The following CAMK2B variants were observed in gnomAD, a reference collection of about 807,000 sequenced individuals.
The protein encoded by CAMK2B is calcium/calmodulin dependent protein kinase II beta.
CAMK2B carries 27 observed loss-of-function variants against 93.7 expected under a neutral mutation model. The ratio of observed to expected loss-of-function variants is 0.29; its 90% CI spans 0.21 to 0.40. The LOEUF is 0.40. Ranked by LOEUF, CAMK2B falls within the 10% of genes least tolerant of loss-of-function variation. CAMK2B has a pLI of 1.00. For missense variants in CAMK2B, 568 were observed against 895.8 expected (o/e 0.63, Z 4.67); for synonymous variants, 374 against 358.8 (o/e 1.04, Z -0.48).
rs1487433756 is a variant in CAMK2B at position 44,295,189 on chromosome 7, A to T, written c.66-10964T>A. Among the ~76,000 whole-genome samples, 3 of 152,254 alleles carry T rather than the reference A, an allele frequency of 2.0e-5. No homozygotes were observed. In the East Asian group the frequency reaches 5.8e-4, roughly 29 times the overall value. ...AAAATAACTTCTGGGTAGATTTTTTAAAAATACCTAAAATGTGAAAAGAAA... is the reference window on the plus strand; with the variant it reads ...AAAATAACTTCTGGGTAGATTTTTTTAAAATACCTAAAATGTGAAAAGAAA... On this transcript the variant is annotated intron_variant, in intron 1 of 23. Coordinates refer to ENST00000395749, the MANE Select transcript of CAMK2B (RefSeq NM_001220.5).
chr7:44,219,892 G>C (rs183029587), intron 23 of CAMK2B, among the ~76,000 whole-genome samples, 168 bp downstream of exon 23: 2 of 152,076 alleles, frequency 1.3e-5, no homozygotes, highest in Non-Finnish European at 2.9e-5. Context: ...CCAGCCTGCC[G>C]TGGTCCCTAA....
At chr7:44,221,020 G>A (rs1299946034) in intron 20 of CAMK2B, 119 bp from the exon 21 acceptor site, 10 of 794,442 alleles carry the variant, frequency 1.3e-5, no homozygotes, top group East Asian at 5.4e-5. Context: ...TGTTCCTGCC[G>A]CTATTTGCAG....
intron 4 of CAMK2B, among the ~76,000 whole-genome samples, chr7:44,255,446 G>A (rs867843018): frequency 6.6e-6 from 1 of 152,192 alleles, no homozygotes; most frequent in Non-Finnish European, 1.5e-5. Context: ...TAGCCTGCTT[G>A]AGTCTGCTGG....
chr7:44,250,970 C>T (rs920119197), intron 5 of CAMK2B, among the ~76,000 whole-genome samples: 43 of 152,234 alleles, frequency 2.8e-4, no homozygotes, highest in African/African-American at 1.0e-3. Flanking sequence ...AGAGGAATTT[C>T]CAGCTTTGTT....
intron 5 of CAMK2B, among the ~76,000 whole-genome samples, chr7:44,250,899 G>A (rs1281052720): frequency 6.6e-6 from 1 of 152,202 alleles, no homozygotes; most frequent in African/African-American, 2.4e-5. Context: ...CCTGTTTGAA[G>A]AAGACATGGA....
At chr7:44,251,070 C>T (rs529005210) in intron 5 of CAMK2B, among the ~76,000 whole-genome samples, 69 of 152,342 alleles carry the variant, frequency 4.5e-4, no homozygotes, top group African/African-American at 1.4e-3. Flanking sequence ...AGCTGCTCCA[C>T]GGCAGCAGCT....
Position 44,289,532 on chromosome 7 carries a change from C to T in CAMK2B, c.66-5307G>A, listed in dbSNP as rs77098805. On this transcript the variant is annotated intron_variant, in intron 1 of 23. Coordinates refer to ENST00000395749, the MANE Select transcript of CAMK2B (RefSeq NM_001220.5). The stretch of plus-strand genomic sequence containing the variant: ...ACCAGGGAGGGAAGGTCGGACCCTG[C>T]GTCCCCACAGCCTATCCCGTGTGGT... 2.1e-3 allele frequency among the ~76,000 whole-genome samples: 314 copies of T among 152,314 alleles called. 3 individuals carry two copies. Among genetic ancestry groups the T allele is most frequent in the Admixed American group, 3.3e-4 (5 of 15,308 alleles).
At chr7:44,239,952 G>T (rs2128956586) in intron 12 of CAMK2B, among the ~76,000 whole-genome samples, 1 of 152,234 alleles carries the variant, frequency 6.6e-6, no homozygotes, top group Non-Finnish European at 1.5e-5. Context: ...TATTAGTGTT[G>T]GTGTGACCGT....
At chr7:44,260,820 A>T (rs1033960728) in intron 3 of CAMK2B, among the ~76,000 whole-genome samples, 1 of 152,170 alleles carries the variant, frequency 6.6e-6, no homozygotes, top group African/African-American at 2.4e-5. Context: ...CAGGCCCAGC[A>T]GCCCAGCCTT....
At chr7:44,241,674 C>A (rs1479201725) in intron 11 of CAMK2B, 26 bp downstream of exon 11, 3 of 1,586,326 alleles carry the variant, frequency 1.9e-6, no homozygotes, top group Non-Finnish European at 2.6e-6. Flanking sequence ...CATGGCCGTG[C>A]CTGGGACTAG....
At chr7:44,226,385 G>T in intron 20 of CAMK2B, 131 bp downstream of exon 20, 1 of 711,698 alleles carries the variant, frequency 1.4e-6, no homozygotes, top group Non-Finnish European at 2.1e-6. Flanking sequence ...AATTCCCTGG[G>T]ACCCAGCAGA....
intron 4 of CAMK2B, among the ~76,000 whole-genome samples, chr7:44,254,977 C>G (rs1025660495): frequency 9.9e-5 from 15 of 151,822 alleles, no homozygotes; most frequent in African/African-American, 3.4e-4. Flanking sequence ...GTGGGCAGCA[C>G]AGGAGCTTTG....
intron 3 of CAMK2B, among the ~76,000 whole-genome samples, chr7:44,260,978 C>T (rs1230028752): frequency 6.6e-6 from 1 of 152,228 alleles, no homozygotes; most frequent in Non-Finnish European, 1.5e-5. Flanking sequence ...AGGGACTCCA[C>T]CAGCTAAGGC....
intron 16 of CAMK2B, among the ~76,000 whole-genome samples, chr7:44,232,287 G>A (rs2096586957): frequency 6.6e-6 from 1 of 152,172 alleles, no homozygotes; most frequent in Non-Finnish European, 1.5e-5. Context: ...TGGAAGTCCT[G>A]GAAATGGCTT....
chr7:44,284,238 A>G lies in CAMK2B; in HGVS notation c.66-13T>C. On this transcript the variant is annotated splice_polypyrimidine_tract_variant and intron_variant, in intron 1 of 23. Coordinates refer to ENST00000395749, the MANE Select transcript of CAMK2B (RefSeq NM_001220.5). Reference sequence around the variant, plus strand: ...AGAGAAAGCCCCCCTGGGGAGGAAAATGGGGGAGCGAGAGACAGAGACAGA... The same window carrying G: ...AGAGAAAGCCCCCCTGGGGAGGAAAGTGGGGGAGCGAGAGACAGAGACAGA... The G allele has an allele frequency of 6.3e-7, 1 of 1,585,968 alleles. No homozygotes were observed. The highest frequency in any genetic ancestry group is 8.7e-7 in the Non-Finnish European group (1 of 1,155,990).
rs187450454 is a variant in CAMK2B, at chr7:44,285,098, G to A, written c.66-873C>T. On this transcript the variant is annotated intron_variant, in intron 1 of 23. Coordinates refer to ENST00000395749, the MANE Select transcript of CAMK2B (RefSeq NM_001220.5). The stretch of plus-strand genomic sequence containing the variant: ...GGAGCTCCTGCCCTGGCTTCAGGGC[G>A]CCCTGAGGGAGTCAGTGCCACCCAA... 1.5e-3 allele frequency among the ~76,000 whole-genome samples: 223 copies of A among 152,312 alleles called. 1 individual carries two copies. The highest frequency in any genetic ancestry group is 2.5e-3 in the Non-Finnish European group (169 of 68,014).
At chr7:44,318,842 T>C (rs1027937593) in intron 1 of CAMK2B, among the ~76,000 whole-genome samples, 2 of 152,248 alleles carry the variant, frequency 1.3e-5, no homozygotes, top group Non-Finnish European at 2.9e-5. Flanking sequence ...TAACTTAAGT[T>C]ATTTTTGGAT....
chr7:44,246,191 G>A lies in CAMK2B; in HGVS notation c.414+929C>T, dbSNP rs534639384. 7.7e-4 allele frequency among the ~76,000 whole-genome samples: 117 copies of A among 152,194 alleles called. No individual in the cohort carries two copies. The South Asian group carries it at 0.021, about 28-fold the overall frequency. On this transcript the variant is annotated intron_variant, in intron 6 of 23. Transcript: ENST00000395749. Reference sequence around the variant, plus strand: ...CTCTCACCACTCTGCTCCCAGCGGCGTCAGCCCTGTCACCTGTGTCCTCAT... The same window carrying A: ...CTCTCACCACTCTGCTCCCAGCGGCATCAGCCCTGTCACCTGTGTCCTCAT...
At position 44,217,400 on chromosome 7, in the gene CAMK2B, T is replaced by G. The variant is rs2096357280; in HGVS notation, c.*2125A>C. The G allele has an allele frequency of 6.6e-6, 1 of 151,592 alleles. No homozygotes were observed. Among genetic ancestry groups the G allele is most frequent in the Non-Finnish European group, 1.5e-5 (1 of 67,978 alleles). The allele number at this position is 151,592 out of a possible 1,614,324, so 9.4% of individuals were successfully genotyped here. On this transcript the variant is annotated 3_prime_UTR_variant, in exon 24 of 24. Coordinates refer to ENST00000395749, the MANE Select transcript of CAMK2B (RefSeq NM_001220.5). ...CTCTTTAGGGGTCATGCAAAAGAAT[T>G]ATCCCCCAGAAAAAAAATCCCCAAA...
Sources: gnomAD v4.1 joint callset for allele counts (sites outside exome capture counted in the v4.1 genomes callset) on GRCh38, gnomAD v4.1.1 for gene constraint, MANE v1.5 for transcripts, NCBI Gene and HGNC (gene_info 2026-07-23, HGNC 2026-07-21) for gene names.